The following KRABD2 variants were observed in gnomAD, a reference collection of about 807,000 sequenced individuals.
KRABD2 encodes the protein KRAB domain-containing protein 2.
the KRABD2 span, chr17:8,373,771 C>T: frequency 1.8e-5 from 3 of 168,942 alleles, no homozygotes; most frequent in Non-Finnish European, 2.5e-5. Flanking sequence ...GTGGGGAGCG[C>T]CTCTGCCCCG....
chr17:8,361,528 T>C, the KRABD2 span, among the ~76,000 whole-genome samples: 1 of 152,246 alleles, frequency 6.6e-6, no homozygotes, highest in South Asian at 2.1e-4. Context: ...TGGGACCATA[T>C]GATAGTCCAA....
chr17:8,372,921 AGAAT>A, the KRABD2 span, among the ~76,000 whole-genome samples: 1 of 152,256 alleles, frequency 6.6e-6, no homozygotes, highest in Non-Finnish European at 1.5e-5. The surrounding 1 kb of genome is among the most constrained non-coding windows in gnomAD (Gnocchi z 4.1). Context: ...AAGAAAAAAA[AGAAT>A]GAAGGCAACA....
At chr17:8,371,352 GT>G in the KRABD2 span, 1 of 1,614,154 alleles carries the variant, frequency 6.2e-7, no homozygotes, top group Non-Finnish European at 8.5e-7. Context: ...TTGTGTCTCT[GT>G]AGCAATCCTT....
the KRABD2 span, chr17:8,360,019 GAGGAA>G: frequency 2.7e-6 from 1 of 364,310 alleles, no homozygotes; most frequent in East Asian, 7.3e-5. Context: ...GTGAATCCCA[GAGGAA>G]AGGCTCACAA....
the KRABD2 span, chr17:8,368,898 AAGTGCTGGGATTACGGGCATG>A: frequency 1.7e-6 from 1 of 577,978 alleles, no homozygotes; most frequent in Non-Finnish European, 2.8e-6. Context: ...TGGCCTACCA[AAGTGCTGGGATTACGGGCATG>A]AGCGCTGCGC....
the KRABD2 span, among the ~76,000 whole-genome samples, chr17:8,361,554 T>C: frequency 6.6e-6 from 1 of 152,202 alleles, no homozygotes; most frequent in African/African-American, 2.4e-5. Flanking sequence ...ATGCCAGGTT[T>C]AAGTTGTTAT....
At chr17:8,369,864 GCAAGGCCTCT>G in the KRABD2 span, 1 of 1,614,044 alleles carries the variant, frequency 6.2e-7, no homozygotes, top group African/African-American at 1.3e-5. Flanking sequence ...GGGCTTTGGT[GCAAGGCCTCT>G]CTTGGGTACT....
At chr17:8,363,821 TATATCATAC>T in the KRABD2 span, among the ~76,000 whole-genome samples, 237 of 107,140 alleles carry the variant, frequency 2.2e-3, 7 homozygotes, top group African/African-American at 8.6e-3. Context: ...CATACATATA[TATATCATAC>T]ATATATATAT....
the KRABD2 span, chr17:8,375,787 G>T: frequency 1.5e-6 from 1 of 668,954 alleles, no homozygotes; most frequent in Non-Finnish European, 2.0e-6. Flanking sequence ...AAAGAAATGT[G>T]ACCGTAAATC....
At chr17:8,365,408 A>G in the KRABD2 span, among the ~76,000 whole-genome samples, 1 of 152,216 alleles carries the variant, frequency 6.6e-6, no homozygotes, top group African/African-American at 2.4e-5. Flanking sequence ...CCTGTTAGGC[A>G]GAGTTACAAA....
At chr17:8,369,096 G>A in the KRABD2 span, 1 of 1,571,136 alleles carries the variant, frequency 6.4e-7, no homozygotes, top group Non-Finnish European at 8.6e-7. Flanking sequence ...ACTATGCTCA[G>A]AGAGACACCT....
the KRABD2 span, chr17:8,369,499 T>C: frequency 7.4e-6 from 12 of 1,614,090 alleles, no homozygotes; most frequent in South Asian, 1.2e-4. Flanking sequence ...CAGGTACTTA[T>C]CATGTTCTTT....
chr17:8,364,013 C>G, the KRABD2 span, among the ~76,000 whole-genome samples: 2 of 151,240 alleles, frequency 1.3e-5, no homozygotes, highest in Non-Finnish European at 1.5e-5. This position sits in a 1 kb window ranked among gnomAD's most constrained non-coding sequence, Gnocchi z 4.4. Context: ...GGATTACAGG[C>G]GCCTGCCACC....
the KRABD2 span, chr17:8,376,066 G>C: frequency 8.1e-7 from 1 of 1,231,622 alleles, no homozygotes. Context: ...GGAGCACTTC[G>C]CTTTGCATCT....
At chr17:8,358,866 A>G in the KRABD2 span, among the ~76,000 whole-genome samples, 1 of 152,192 alleles carries the variant, frequency 6.6e-6, no homozygotes, top group Non-Finnish European at 1.5e-5. Flanking sequence ...AAACAAGGAC[A>G]TTCTCTTACA....
chr17:8,369,697 C>A, the KRABD2 span: 5 of 1,614,204 alleles, frequency 3.1e-6, no homozygotes, highest in Non-Finnish European at 4.2e-6. Context: ...AAGACACTGA[C>A]CACCTCATGG....
chr17:8,359,712 C>G, the KRABD2 span: 1 of 456,004 alleles, frequency 2.2e-6, no homozygotes, highest in Non-Finnish European at 4.4e-6. Flanking sequence ...TTTCAGGTGT[C>G]TGGACTGGTT....
chr17:8,369,980 G>A, the KRABD2 span: 1 of 1,614,170 alleles, frequency 6.2e-7, no homozygotes, highest in Non-Finnish European at 8.5e-7. Context: ...CCTTGAGCAT[G>A]CGTGTCCGCC....
At chr17:8,367,676 A>C in the KRABD2 span, among the ~76,000 whole-genome samples, 5 of 151,854 alleles carry the variant, frequency 3.3e-5, no homozygotes, top group South Asian at 4.2e-4. Flanking sequence ...AAAAAAAAAA[A>C]AAAACAAGTG....
Sources: gnomAD v4.1 joint callset for allele counts (sites outside exome capture counted in the v4.1 genomes callset) on GRCh38, gnomAD v4.1.1 for gene constraint, Gnocchi (gnomAD v3.1) non-coding constraint, MANE v1.5 for transcripts, NCBI Gene and HGNC (gene_info 2026-07-23, HGNC 2026-07-21) for gene names.